The following XYLT1 variants were observed in gnomAD, a reference collection of about 807,000 sequenced individuals.
The protein encoded by XYLT1 is xylosyltransferase 1, also known as beta-D-xylosyltransferase 1.
A neutral mutation model predicts 91.3 loss-of-function variants in XYLT1; 36 were observed. That is an observed-to-expected ratio of 0.39 (90% CI 0.30 to 0.52). The LOEUF (loss-of-function observed/expected upper bound fraction) is 0.52, where lower values mean the gene tolerates loss of function less well. Among genes scored for constraint, XYLT1 ranks in the 20% least tolerant of loss-of-function variants. XYLT1 has a pLI of 0.68. For synonymous variants in XYLT1, 588 were observed against 532.0 expected, an observed-to-expected ratio of 1.11 and a Z score of -1.45; for missense variants, 1,242 against 1,284.5, an observed-to-expected ratio of 0.97 and a Z score of 0.51.
chr16:17,437,961 G>C (rs568692664), intron 1 of XYLT1, among the ~76,000 whole-genome samples: 1 of 152,122 alleles, frequency 6.6e-6, no homozygotes, highest in African/African-American at 2.4e-5. Context: ...GTTTGCAGAG[G>C]AACCAAAATT....
intron 3 of XYLT1, among the ~76,000 whole-genome samples, chr16:17,232,395 G>A (rs1043783521): frequency 1.6e-5 from 2 of 127,006 alleles, no homozygotes; most frequent in African/African-American, 6.7e-5. Context: ...CTGTGTCTGT[G>A]TGTCTGTGTC....
chr16:17,401,032 C>T (rs2035962248), intron 1 of XYLT1, among the ~76,000 whole-genome samples: 1 of 151,744 alleles, frequency 6.6e-6, no homozygotes, highest in Non-Finnish European at 1.5e-5. Context: ...ACAATCTATT[C>T]TTCAGAGTCA....
intron 1 of XYLT1, among the ~76,000 whole-genome samples, chr16:17,368,113 A>G (rs1049389497): frequency 1.3e-5 from 2 of 152,222 alleles, no homozygotes; most frequent in Non-Finnish European, 2.9e-5. Flanking sequence ...AAGAGGCCAC[A>G]CACAGAACTG....
chr16:17,155,695 C>T (rs961811139), intron 6 of XYLT1, among the ~76,000 whole-genome samples: 2 of 152,112 alleles, frequency 1.3e-5, no homozygotes, highest in East Asian at 1.9e-4. Context: ...CCCTAACTTC[C>T]GGTAAATGAG....
At chr16:17,329,121 G>A (rs2034857850) in intron 2 of XYLT1, among the ~76,000 whole-genome samples, 1 of 152,212 alleles carries the variant, frequency 6.6e-6, no homozygotes, top group Admixed American at 6.5e-5. Flanking sequence ...TGCCGCTGTA[G>A]CTCAAAACAG....
chr16:17,352,494 T>C (rs1334433559), intron 2 of XYLT1, among the ~76,000 whole-genome samples: 1 of 152,220 alleles, frequency 6.6e-6, no homozygotes, highest in East Asian at 1.9e-4. Flanking sequence ...AATGCCTTAA[T>C]TGAATCTAAG....
chr16:17,247,403 C>G lies in XYLT1; in HGVS notation c.913+11585G>C, dbSNP rs538781900. ...AGAAAATCATCACAAACCACCCTGC[C>G]ATGGAAGCGAGTCTCCCATGCCCAC... On this transcript the variant is annotated intron_variant, in intron 3 of 11. Coordinates refer to ENST00000261381, the MANE Select transcript of XYLT1 (RefSeq NM_022166.4). Among the ~76,000 whole-genome samples, 4 of 152,288 alleles carry G rather than the reference C, an allele frequency of 2.6e-5. No individual in the cohort carries two copies. In the South Asian group the frequency reaches 8.3e-4, roughly 32 times the overall value.
At chr16:17,186,278 T>G (rs937375616) in intron 5 of XYLT1, among the ~76,000 whole-genome samples, 1 of 151,926 alleles carries the variant, frequency 6.6e-6, no homozygotes, top group African/African-American at 2.4e-5. Flanking sequence ...TAATTTTGTA[T>G]TTTTAGTAAA....
At chr16:17,351,734 T>G (rs2035222313) in intron 2 of XYLT1, among the ~76,000 whole-genome samples, 1 of 137,096 alleles carries the variant, frequency 7.3e-6, no homozygotes, top group Non-Finnish European at 1.5e-5. Flanking sequence ...CTACTGACAT[T>G]TGAGGCTTTT....
intron 1 of XYLT1, among the ~76,000 whole-genome samples, chr16:17,396,506 G>T (rs1284838919): frequency 6.6e-6 from 1 of 152,200 alleles, no homozygotes; most frequent in Non-Finnish European, 1.5e-5. Context: ...CTCAATAAAT[G>T]TGTTTATTCT....
At position 17,115,800 on chromosome 16, in the gene XYLT1, T is replaced by TAAAAAA. The variant is rs71137969; in HGVS notation, c.2557+1840_2557+1845dup. On this transcript the variant is annotated intron_variant, in intron 11 of 11. Coordinates refer to ENST00000261381, the MANE Select transcript of XYLT1 (RefSeq NM_022166.4). ...GGCACCCAGCCAACCTCTGTTATAT[T>TAAAAAA]AAAAAAAAAAAAAAAAAAAAAAAAA... Among the ~76,000 whole-genome samples, 368 of 50,324 alleles carry TAAAAAA rather than the reference T, an allele frequency of 7.3e-3. 48 individuals carry two copies. The highest frequency in any genetic ancestry group is 0.02 in the East Asian group (32 of 1,570). 33.0% of individuals were successfully genotyped at this position (50,324 alleles called of 152,430 possible).
intron 1 of XYLT1, among the ~76,000 whole-genome samples, chr16:17,385,269 TACACACACACACACAC>T (rs566134163): frequency 1.5e-4 from 18 of 120,012 alleles, no homozygotes; most frequent in South Asian, 6.5e-4. Context: ...TAAACACACA[TACACACACACACACAC>T]ACACACACAC....
At chr16:17,213,326 C>G (rs1001735934) in intron 3 of XYLT1, among the ~76,000 whole-genome samples, 4 of 152,212 alleles carry the variant, frequency 2.6e-5, no homozygotes, top group African/African-American at 9.7e-5. Context: ...GCTCACAGAA[C>G]TGAGAGCCAA....
intron 1 of XYLT1, among the ~76,000 whole-genome samples, chr16:17,386,167 G>C (rs1042668715): frequency 1.3e-5 from 2 of 152,160 alleles, no homozygotes; most frequent in African/African-American, 4.8e-5. Flanking sequence ...GGCTAAGCCT[G>C]AGTTTTACTG....
At chr16:17,391,826 A>G (rs2035823754) in intron 1 of XYLT1, among the ~76,000 whole-genome samples, 1 of 152,172 alleles carries the variant, frequency 6.6e-6, no homozygotes, top group African/African-American at 2.4e-5. Context: ...TCATGGTAGT[A>G]AGTCTCACGA....
intron 5 of XYLT1, among the ~76,000 whole-genome samples, chr16:17,183,111 G>A (rs2032106928): frequency 6.6e-6 from 1 of 152,180 alleles, no homozygotes; most frequent in African/African-American, 2.4e-5. Flanking sequence ...AGCTAAGCCT[G>A]CATTCAAATC....
intron 1 of XYLT1, among the ~76,000 whole-genome samples, chr16:17,414,387 G>C (rs2141914799): frequency 6.6e-6 from 1 of 152,264 alleles, no homozygotes; most frequent in East Asian, 1.9e-4. Context: ...CCAGAGTACA[G>C]TGGCACAATC....
intron 1 of XYLT1, among the ~76,000 whole-genome samples, chr16:17,406,245 G>C (rs1049424529): frequency 3.9e-5 from 6 of 152,196 alleles, no homozygotes; most frequent in Non-Finnish European, 7.3e-5. Flanking sequence ...ATATTACTGA[G>C]CACCTACTAT....
chr16:17,114,526 C>T (rs1306928463), intron 11 of XYLT1, among the ~76,000 whole-genome samples: 1 of 152,164 alleles, frequency 6.6e-6, no homozygotes, highest in African/African-American at 2.4e-5. Context: ...TCACAGAAAT[C>T]TTCTGTGTTG....
Sources: gnomAD v4.1 joint callset for allele counts (sites outside exome capture counted in the v4.1 genomes callset) on GRCh38, gnomAD v4.1.1 for gene constraint, MANE v1.5 for transcripts, NCBI Gene and HGNC (gene_info 2026-07-23, HGNC 2026-07-21) for gene names.